SGCZ: variants seen among roughly 807,000 people sequenced by gnomAD.
The protein encoded by SGCZ is zeta-sarcoglycan.
SGCZ carries 40 observed loss-of-function variants against 41.3 expected under a neutral mutation model. The ratio of observed to expected loss-of-function variants is 0.97; its 90% CI spans 0.75 to 1.26. The LOEUF (loss-of-function observed/expected upper bound fraction) is 1.26, where lower values mean the gene tolerates loss of function less well. Among genes scored for constraint, SGCZ ranks in the 50% most tolerant of loss-of-function variants. The probability of loss-of-function intolerance (pLI) is 0.00; values close to 1 mark genes in which losing one functional copy is unlikely to be tolerated. For synonymous variants in SGCZ, 206 were observed against 137.5 expected, an observed-to-expected ratio of 1.50 and a Z score of -3.49; for missense variants, 552 against 369.8, an observed-to-expected ratio of 1.49 and a Z score of -4.04.
At chr8:14,562,558 T>C (rs887037964) in intron 1 of SGCZ, among the ~76,000 whole-genome samples, 6 of 152,060 alleles carry the variant, frequency 3.9e-5, no homozygotes, top group African/African-American at 9.7e-5. Flanking sequence ...AAAGAGAATA[T>C]CTTTCAGAGC....
chr8:15,036,018 G>C (rs918005465), intron 1 of SGCZ, among the ~76,000 whole-genome samples: 1 of 151,146 alleles, frequency 6.6e-6, no homozygotes, highest in Middle Eastern at 3.2e-3. Flanking sequence ...AAATACAATA[G>C]AAACTAGAAA....
intron 1 of SGCZ, among the ~76,000 whole-genome samples, chr8:14,825,108 T>C (rs1172357872): frequency 6.6e-6 from 1 of 151,722 alleles, no homozygotes; most frequent in East Asian, 1.9e-4. Context: ...GCTAGTAACC[T>C]ACTGGTAATC....
intron 2 of SGCZ, among the ~76,000 whole-genome samples, chr8:14,534,347 C>G (rs1344375641): frequency 7.4e-5 from 7 of 94,168 alleles, no homozygotes; most frequent in Non-Finnish European, 2.2e-4. Flanking sequence ...TGTCTAAACT[C>G]TCTGAAACTT....
At chr8:15,001,443 G>GGGTA (rs1440580930) in intron 1 of SGCZ, among the ~76,000 whole-genome samples, 1 of 152,130 alleles carries the variant, frequency 6.6e-6, no homozygotes, top group Non-Finnish European at 1.5e-5. Context: ...AAAGAGTGGA[G>GGGTA]GGTAGGCCGG....
intron 1 of SGCZ, among the ~76,000 whole-genome samples, chr8:14,928,018 T>C (rs1799809215): frequency 1.3e-5 from 2 of 152,166 alleles, no homozygotes; most frequent in Non-Finnish European, 1.5e-5. Flanking sequence ...TCCAGATTCT[T>C]GAGTGTTTGT....
chr8:15,228,434 T>G (rs577888503), intron 1 of SGCZ, among the ~76,000 whole-genome samples: 15 of 152,340 alleles, frequency 9.8e-5, no homozygotes, highest in Non-Finnish European at 2.1e-4. Flanking sequence ...AGAAACTTGA[T>G]GAGATGAAAT....
At chr8:14,823,820 T>C (rs1372275569) in intron 1 of SGCZ, among the ~76,000 whole-genome samples, 1 of 152,094 alleles carries the variant, frequency 6.6e-6, no homozygotes, top group Non-Finnish European at 1.5e-5. Context: ...AGACGGATAA[T>C]CAAACTGAGC....
At chr8:14,128,313 T>A (rs1386695378) in intron 5 of SGCZ, among the ~76,000 whole-genome samples, 1 of 152,190 alleles carries the variant, frequency 6.6e-6, no homozygotes, top group Non-Finnish European at 1.5e-5. Context: ...ATGCTAAATG[T>A]CACTGATTAT....
At chr8:14,655,220 T>G (rs928448173) in intron 1 of SGCZ, among the ~76,000 whole-genome samples, 7 of 152,098 alleles carry the variant, frequency 4.6e-5, no homozygotes, top group African/African-American at 1.7e-4. Flanking sequence ...TGCCAGTAAC[T>G]TCTTAGTTTT....
chr8:14,775,678 A>G (rs1800381671), intron 1 of SGCZ, among the ~76,000 whole-genome samples: 1 of 152,218 alleles, frequency 6.6e-6, no homozygotes, highest in African/African-American at 2.4e-5. Flanking sequence ...TGTGGTTTGG[A>G]TTTAATTATA....
intron 1 of SGCZ, among the ~76,000 whole-genome samples, chr8:14,812,232 T>G (rs1801758240): frequency 6.6e-6 from 1 of 152,066 alleles, no homozygotes. Context: ...AATATTTACT[T>G]GTAAATCAAT....
intron 1 of SGCZ, among the ~76,000 whole-genome samples, chr8:15,065,415 A>AATT (rs200765691): frequency 0.27 from 37,361 of 137,100 alleles, 5,354 homozygotes; most frequent in Non-Finnish European, 0.33. Context: ...ATGGTATTGT[A>AATT]ATTATTATTA....
chr8:14,655,326 G>T (rs1563182125), intron 1 of SGCZ, among the ~76,000 whole-genome samples: 1 of 152,012 alleles, frequency 6.6e-6, no homozygotes, highest in African/African-American at 2.4e-5. Flanking sequence ...TCAATATAAA[G>T]TATCAAAATA....
chr8:14,576,032 T>C (rs570301502), intron 1 of SGCZ, among the ~76,000 whole-genome samples: 5 of 152,262 alleles, frequency 3.3e-5, no homozygotes, highest in East Asian at 1.9e-4. Flanking sequence ...AGCAATACTG[T>C]ACCAACATCC....
At chr8:15,080,936 A>T (rs528749307) in intron 1 of SGCZ, among the ~76,000 whole-genome samples, 1 of 152,114 alleles carries the variant, frequency 6.6e-6, no homozygotes, top group East Asian at 2.0e-4. Context: ...GACAGACATA[A>T]TGCACAGAGG....
At chr8:14,627,074 A>C (rs1181693890) in intron 1 of SGCZ, among the ~76,000 whole-genome samples, 1 of 152,204 alleles carries the variant, frequency 6.6e-6, no homozygotes, top group Non-Finnish European at 1.5e-5. Flanking sequence ...TTTGGACAAT[A>C]ATCTTGTAAT....
chr8:14,377,312 T>C (rs1804167940), intron 2 of SGCZ, among the ~76,000 whole-genome samples: 1 of 151,906 alleles, frequency 6.6e-6, no homozygotes, highest in South Asian at 2.1e-4. Flanking sequence ...TTTGGGAGGG[T>C]GGTGTGCATG....
intron 4 of SGCZ, among the ~76,000 whole-genome samples, chr8:14,174,684 C>T (rs1269051484): frequency 6.6e-6 from 1 of 152,054 alleles, no homozygotes; most frequent in Non-Finnish European, 1.5e-5. Flanking sequence ...ACTGACCTCT[C>T]AATATGAAAC....
chr8:14,333,196 G>A (rs1269914149), intron 2 of SGCZ, among the ~76,000 whole-genome samples: 1 of 151,958 alleles, frequency 6.6e-6, no homozygotes, highest in South Asian at 2.1e-4. Context: ...TTACCTGCTG[G>A]GAACCAAATC....
Sources: allele counts gnomAD v4.1 joint callset (sites outside exome capture counted in the v4.1 genomes callset), GRCh38; gene constraint gnomAD v4.1.1; transcripts MANE v1.5; gene names NCBI Gene and HGNC (gene_info 2026-07-23, HGNC 2026-07-21).